Variants in TMEM268 observed in about 807,000 individuals in gnomAD.
The protein encoded by TMEM268 is transmembrane protein C9orf91.
Under a neutral mutation model 39.1 loss-of-function variants are expected in TMEM268, and 24 were observed. The ratio of observed to expected loss-of-function variants is 0.61; its 90% CI spans 0.44 to 0.86. The LOEUF (loss-of-function observed/expected upper bound fraction) is 0.86, where lower values mean the gene tolerates loss of function less well. Among genes scored for constraint, TMEM268 ranks in the 40% least tolerant of loss-of-function variants. TMEM268 has a pLI of 0.00. For missense variants in TMEM268, 409 were observed against 428.6 expected (o/e 0.95, Z 0.40); for synonymous variants, 176 against 173.5 (o/e 1.01, Z -0.12).
chr9:114,610,114 A>G (rs972750749), upstream of TMEM268, among the ~76,000 whole-genome samples: 3 of 150,996 alleles, frequency 2.0e-5, no homozygotes, highest in African/African-American at 7.3e-5. Flanking sequence ...ATCTCGGCTC[A>G]CCGCAACCTC....
At position 114,617,189 on chromosome 9, in the gene TMEM268, C is replaced by T. The variant is rs1845751663; in HGVS notation, c.-7C>T. ...GAAGGGGAAGTAGAAACAGCTGGCGCCCTGCCATGGCCTGTGAACCACAGG... is the reference window on the plus strand; with the variant it reads ...GAAGGGGAAGTAGAAACAGCTGGCGTCCTGCCATGGCCTGTGAACCACAGG... On this transcript the variant is annotated 5_prime_UTR_variant, in exon 2 of 9. Coordinates refer to ENST00000288502, the MANE Select transcript of TMEM268 (RefSeq NM_153045.4). 1.9e-6 allele frequency: 3 copies of T among 1,584,678 alleles called. No individual in the cohort carries two copies. Among genetic ancestry groups the T allele is most frequent in the Admixed American group, 1.8e-5 (1 of 54,078 alleles).
chr9:114,616,436 G>A (rs1385778948), intron 1 of TMEM268, among the ~76,000 whole-genome samples: 3 of 152,126 alleles, frequency 2.0e-5, no homozygotes, highest in African/African-American at 7.2e-5. Flanking sequence ...TGCAATCTCA[G>A]CTCACTGCAA....
chr9:114,631,068 C>T (rs1035732099), intron 5 of TMEM268, among the ~76,000 whole-genome samples: 1 of 152,082 alleles, frequency 6.6e-6, no homozygotes, highest in Non-Finnish European at 1.5e-5. Flanking sequence ...AATCCCAGTA[C>T]TTTGGGAGGC....
rs1827447439 is a variant in TMEM268 at position 114,643,540 on chromosome 9, G to A, written c.*227G>A. The A allele has an allele frequency of 1.8e-6, 1 of 549,016 alleles. No homozygotes were observed. Among genetic ancestry groups the A allele is most frequent in the Admixed American group, 3.1e-5 (1 of 32,112 alleles). The allele number at this position is 549,016 out of a possible 1,614,324, so 34.0% of individuals were successfully genotyped here. A position where few individuals can be genotyped will look rare whatever the true frequency, so the allele number is the denominator to read the frequency against. On this transcript the variant is annotated 3_prime_UTR_variant, in exon 9 of 9. Transcript: ENST00000288502. The stretch of plus-strand genomic sequence containing the variant: ...CCCCCTGGCCTTTGCAGAAGCTGAT[G>A]GTTACAGAGCTAGTCCCACCAAAGC...
intron 5 of TMEM268, among the ~76,000 whole-genome samples, chr9:114,629,740 C>G (rs1350428153): frequency 6.6e-6 from 1 of 152,190 alleles, no homozygotes; most frequent in Non-Finnish European, 1.5e-5. Flanking sequence ...TCTTGCCTGA[C>G]TCAGAAAGAG....
rs1237463490 is a variant in TMEM268, at chr9:114,644,944, G to A, written c.*1631G>A. On this transcript the variant is annotated 3_prime_UTR_variant, in exon 9 of 9. Coordinates refer to ENST00000288502, the MANE Select transcript of TMEM268 (RefSeq NM_153045.4). ...CCCAAGTAGCTGGGACTACAGGTGT[G>A]CACCACTACTCCTGGATATTTTTTT... is the stretch of plus-strand genomic sequence containing the variant. 1.3e-5 allele frequency: 2 copies of A among 152,088 alleles called. No individual in the cohort carries two copies. The highest frequency in any genetic ancestry group is 2.9e-5 in the Non-Finnish European group (2 of 68,058). The allele number at this position is 152,088 out of a possible 1,614,324, so 9.4% of individuals were successfully genotyped here.
chr9:114,606,456 T>C (rs1265437565), upstream of TMEM268, among the ~76,000 whole-genome samples: 1 of 152,206 alleles, frequency 6.6e-6, no homozygotes, highest in Non-Finnish European at 1.5e-5. Context: ...GGATGTGACT[T>C]CCGGGAGCTG....
chr9:114,604,794 A>G, the TMEM268 span, among the ~76,000 whole-genome samples: 1 of 152,128 alleles, frequency 6.6e-6, no homozygotes, highest in Non-Finnish European at 1.5e-5. Flanking sequence ...ATTATGTTCT[A>G]TGCACATATA....
chr9:114,613,482 C>G (rs1845585920), intron 1 of TMEM268, among the ~76,000 whole-genome samples: 1 of 152,122 alleles, frequency 6.6e-6, no homozygotes, highest in Non-Finnish European at 1.5e-5. Context: ...CCTCAGGGGC[C>G]TAAGAGATGA....
chr9:114,633,185 A>G (rs11794183), intron 5 of TMEM268, among the ~76,000 whole-genome samples: 33,786 of 148,108 alleles, frequency 0.23, 4,380 homozygotes, highest in African/African-American at 0.33. Flanking sequence ...TTTTTGAGAC[A>G]GAGTCTCACT....
chr9:114,628,130 C>T lies in TMEM268; in HGVS notation c.354C>T (p.Ile118=), dbSNP rs1365450846. ...VVFYVVVWAN[I]YSTSQMFALG... Reference sequence around the variant, plus strand: ...TCTATGTGGTGGTGTGGGCCAATATCTACTCTACCAGTCAGATGTTTGCCT... The same window carrying T: ...TCTATGTGGTGGTGTGGGCCAATATTTACTCTACCAGTCAGATGTTTGCCT... Residue 118 remains isoleucine (I), a synonymous_variant, in exon 5 of 9, where the codon ATC becomes ATT. Transcript: ENST00000288502. The T allele has an allele frequency of 3.1e-6, 5 of 1,614,046 alleles. No individual in the cohort carries two copies. The highest frequency in any genetic ancestry group is 2.2e-5 in the East Asian group (1 of 44,892).
chr9:114,626,818 C>T (rs1846180401), intron 3 of TMEM268, 81 bp from the exon 4 acceptor site: 2 of 1,040,794 alleles, frequency 1.9e-6, no homozygotes, highest in Non-Finnish European at 3.0e-6. Context: ...TGTGCCTAAT[C>T]CCCCTTCCAC....
At chr9:114,642,682 T>A in intron 8 of TMEM268, among the ~76,000 whole-genome samples, 1 of 152,192 alleles carries the variant, frequency 6.6e-6, no homozygotes, top group East Asian at 1.9e-4. Context: ...AGTCTCGCTC[T>A]GTTGCCCAGG....
rs1400997228 is a variant in TMEM268, at chr9:114,617,236, C to G, written c.41C>G (p.Pro14Arg). The G allele has an allele frequency of 6.2e-7, 1 of 1,612,212 alleles. No homozygotes were observed. The highest frequency in any genetic ancestry group is 8.5e-7 in the Non-Finnish European group (1 of 1,179,264). Reference sequence around the variant, plus strand: ...CAGGTGGACCCGGGGGCCACTGGCCCATTGCCCCCCTCCTCCCCTGGCTGG... The same window carrying G: ...CAGGTGGACCCGGGGGCCACTGGCCGATTGCCCCCCTCCTCCCCTGGCTGG... ...EPQVDPGATG[P>R]LPPSSPGWSA... The change falls in exon 2 of 9, where the codon CCA becomes CGA. Residue 14 changes from proline (P) to arginine (R), a missense_variant. By Grantham distance (103) the Pro-to-Arg change is moderately radical. Coordinates refer to ENST00000288502, the MANE Select transcript of TMEM268 (RefSeq NM_153045.4).
intron 6 of TMEM268, 71 bp from the exon 7 acceptor site, chr9:114,636,919 G>A: frequency 1.0e-6 from 1 of 960,416 alleles, no homozygotes; most frequent in Non-Finnish European, 1.7e-6. Context: ...AAATAGGACT[G>A]TCTCAGGGAG....
At chr9:114,630,274 ATATC>A (rs746501800) in intron 5 of TMEM268, among the ~76,000 whole-genome samples, 75 of 145,316 alleles carry the variant, frequency 5.2e-4, no homozygotes, top group East Asian at 1.0e-3. Flanking sequence ...CCAACAATAT[ATATC>A]TATCCATCCA....
intron 2 of TMEM268, among the ~76,000 whole-genome samples, chr9:114,619,235 G>A (rs1035265288): frequency 1.3e-5 from 2 of 152,114 alleles, no homozygotes; most frequent in South Asian, 2.1e-4. Context: ...TTTTTGGCAC[G>A]TCAGTTCTTG....
At chr9:114,619,419 G>A (rs1845860137) in intron 2 of TMEM268, among the ~76,000 whole-genome samples, 1 of 152,228 alleles carries the variant, frequency 6.6e-6, no homozygotes, top group African/African-American at 2.4e-5. Context: ...AGGAACAGAT[G>A]AGAGCTGGTA....
intron 3 of TMEM268, 45 bp from the exon 4 acceptor site, chr9:114,626,854 G>A (rs1275446784): frequency 1.4e-6 from 2 of 1,436,770 alleles, no homozygotes; most frequent in Non-Finnish European, 2.0e-6. Flanking sequence ...ACTGGAAACT[G>A]GCTGTCCTGC....
Sources: allele counts gnomAD v4.1 joint callset (sites outside exome capture counted in the v4.1 genomes callset), GRCh38; gene constraint gnomAD v4.1.1; transcripts MANE v1.5; gene names NCBI Gene and HGNC (gene_info 2026-07-23, HGNC 2026-07-21).